SHB: variants seen among roughly 807,000 people sequenced by gnomAD.
SHB encodes SH2 domain containing adaptor protein B.
A neutral mutation model predicts 52.3 loss-of-function variants in SHB; 20 were observed. That is an observed-to-expected ratio of 0.38 (90% confidence interval 0.27 to 0.56). The LOEUF (loss-of-function observed/expected upper bound fraction) is 0.56, where lower values mean the gene tolerates loss of function less well. Ranked by LOEUF, SHB falls within the 20% of genes least tolerant of loss-of-function variation. The pLI is 0.71. For synonymous variants in SHB, 397 were observed against 316.5 expected (o/e 1.25, Z -2.70); for missense variants, 825 against 723.3 (o/e 1.14, Z -1.61).
chr9:38,044,926 G>A (rs1168885643), intron 1 of SHB, among the ~76,000 whole-genome samples: 1 of 152,214 alleles, frequency 6.6e-6, no homozygotes, highest in Non-Finnish European at 1.5e-5. Context: ...GTACACAGAG[G>A]AGGGAGGGGT....
rs115167606 is a variant in SHB, at chr9:37,997,608, T to C, written c.838+18403A>G. On this transcript the variant is annotated intron_variant, in intron 2 of 5. Transcript: ENST00000377707. ...ATCTCTGGACGCCCAGTGTAGAAGC[T>C]GGCACAGGAGGGTACAAAATGACTG... Among the ~76,000 whole-genome samples, 1,101 of 152,296 alleles carry C rather than the reference T, an allele frequency of 7.2e-3. 11 individuals are homozygous for C. The highest frequency in any genetic ancestry group is 0.025 in the African/African-American group (1,049 of 41,560).
chr9:37,974,617 C>T lies in SHB; in HGVS notation c.1054+5G>A. ...TGCCTCCTGAGCAGGGTCAGGGCTCCTTACCTGCCAGGGCTGGGATGGTGA... is the reference window on the plus strand; with the variant it reads ...TGCCTCCTGAGCAGGGTCAGGGCTCTTTACCTGCCAGGGCTGGGATGGTGA... On this transcript the variant is annotated splice_donor_5th_base_variant and intron_variant, in intron 3 of 5. Transcript: ENST00000377707. 3 of 1,611,690 alleles carry T rather than the reference C, an allele frequency of 1.9e-6. No individual in the cohort carries two copies. The highest frequency in any genetic ancestry group is 1.7e-6 in the Non-Finnish European group (2 of 1,179,564).
intron 5 of SHB, among the ~76,000 whole-genome samples, chr9:37,923,452 C>A (rs954173359): frequency 1.3e-5 from 2 of 152,184 alleles, no homozygotes; most frequent in Admixed American, 6.5e-5. Context: ...GACCGCCCCC[C>A]CAGGGGTCCG....
intron 5 of SHB, among the ~76,000 whole-genome samples, chr9:37,937,367 A>T (rs1230120715): frequency 1.3e-5 from 2 of 152,242 alleles, no homozygotes; most frequent in South Asian, 4.1e-4. Flanking sequence ...AATTAAAATT[A>T]AAAAATGGTT....
At chr9:37,946,144 G>C (rs1832488835) in intron 5 of SHB, among the ~76,000 whole-genome samples, 1 of 152,210 alleles carries the variant, frequency 6.6e-6, no homozygotes, top group African/African-American at 2.4e-5. Flanking sequence ...CCTATGGCGT[G>C]ACTGGCCAAG....
intron 1 of SHB, among the ~76,000 whole-genome samples, chr9:38,043,752 G>C (rs995826121): frequency 6.6e-6 from 1 of 152,182 alleles, no homozygotes; most frequent in East Asian, 1.9e-4. Flanking sequence ...AGCTGGGTGT[G>C]GTGGCACATG....
intron 2 of SHB, among the ~76,000 whole-genome samples, chr9:37,989,071 G>GCA (rs1158825855): frequency 8.0e-5 from 10 of 125,530 alleles, no homozygotes; most frequent in Non-Finnish European, 1.5e-4. Flanking sequence ...CTCTGCACAT[G>GCA]CACATACACA....
intron 3 of SHB, among the ~76,000 whole-genome samples, chr9:37,957,600 C>T (rs1043226307): frequency 1.3e-5 from 2 of 152,206 alleles, no homozygotes; most frequent in Non-Finnish European, 2.9e-5. Context: ...GCAGTGACAC[C>T]AACAGGTAGT....
chr9:38,045,731 C>T (rs149165668), intron 1 of SHB, among the ~76,000 whole-genome samples: 3 of 152,258 alleles, frequency 2.0e-5, no homozygotes, highest in East Asian at 1.9e-4. Context: ...ACAATAAAAA[C>T]GGTGCATTTT....
intron 5 of SHB, among the ~76,000 whole-genome samples, chr9:37,922,262 A>T (rs776268262): frequency 3.3e-5 from 5 of 152,214 alleles, no homozygotes; most frequent in Non-Finnish European, 7.3e-5. Context: ...AGTAACTCAC[A>T]TGGGTGAAGG....
chr9:38,003,399 T>A (rs1163672000), intron 2 of SHB, among the ~76,000 whole-genome samples: 2 of 151,940 alleles, frequency 1.3e-5, no homozygotes, highest in African/African-American at 4.8e-5. Context: ...CACCCAGTCC[T>A]AACCAACATC....
At chr9:37,956,288 C>A (rs1269467256) in intron 3 of SHB, among the ~76,000 whole-genome samples, 1 of 152,202 alleles carries the variant, frequency 6.6e-6, no homozygotes, top group Admixed American at 6.5e-5. Context: ...CCAGAGGCCA[C>A]TGGGCTCAGC....
intron 1 of SHB, among the ~76,000 whole-genome samples, chr9:38,031,724 T>C (rs1821418363): frequency 6.6e-6 from 1 of 152,224 alleles, no homozygotes; most frequent in African/African-American, 2.4e-5. Context: ...ACAACGGCTG[T>C]ATGAATCGGG....
intron 2 of SHB, among the ~76,000 whole-genome samples, chr9:37,996,946 G>C (rs549413047): frequency 4.6e-5 from 7 of 152,340 alleles, no homozygotes; most frequent in African/African-American, 1.7e-4. Flanking sequence ...TTTGAGAGCA[G>C]AGGCTCTATG....
rs748807681 is a variant in SHB at position 38,067,917 on chromosome 9, G to A, written c.717+12C>T. 2 of 1,493,450 alleles carry A rather than the reference G, an allele frequency of 1.3e-6. No individual in the cohort carries two copies. Among genetic ancestry groups the A allele is most frequent in the Non-Finnish European group, 1.8e-6 (2 of 1,132,490 alleles). The allele number at this position is 1,493,450 out of a possible 1,614,324, so 92.5% of individuals were successfully genotyped here. ...CTCTGGAACCTCGGGAAGAGGCCAA[G>A]GGGCACCTTACCTTGTCCTTCTTGC... On this transcript the variant is annotated intron_variant, in intron 1 of 5. Transcript: ENST00000377707.
intron 3 of SHB, among the ~76,000 whole-genome samples, chr9:37,958,230 C>G (rs961967532): frequency 6.6e-6 from 1 of 152,304 alleles, no homozygotes; most frequent in African/African-American, 2.4e-5. Flanking sequence ...AGGCAGTGCC[C>G]GCCAGTGGTC....
intron 5 of SHB, among the ~76,000 whole-genome samples, chr9:37,921,483 A>AAT (rs1422191363): frequency 2.6e-5 from 4 of 152,392 alleles, no homozygotes; most frequent in African/African-American, 9.6e-5. Context: ...AGCACTAAGC[A>AAT]ATATGTCTGC....
In SHB at chr9:38,039,741, A is replaced by G. The variant is rs59454220; in HGVS notation, c.718-23610T>C. ...TACCTCAGGGAAGCTCAGCTCCCTC[A>G]TGAGTCCAGGCCAGGCTGGCCGGGC... On this transcript the variant is annotated intron_variant, in intron 1 of 5. Coordinates refer to ENST00000377707, the MANE Select transcript of SHB (RefSeq NM_003028.3). 4.9e-3 allele frequency among the ~76,000 whole-genome samples: 749 copies of G among 152,372 alleles called. 9 individuals are homozygous for G. Among genetic ancestry groups the G allele is most frequent in the African/African-American group, 0.017 (702 of 41,602 alleles).
chr9:37,964,373 G>T (rs1244208958), intron 3 of SHB, among the ~76,000 whole-genome samples: 1 of 152,152 alleles, frequency 6.6e-6, no homozygotes, highest in East Asian at 1.9e-4. Context: ...CTGGCAGAAG[G>T]GGCATGCCTT....
Sources: gnomAD v4.1 joint callset for allele counts (sites outside exome capture counted in the v4.1 genomes callset) on GRCh38, gnomAD v4.1.1 for gene constraint, MANE v1.5 for transcripts, NCBI Gene and HGNC (gene_info 2026-07-23, HGNC 2026-07-21) for gene names.